RERE: variants seen among roughly 807,000 people sequenced by gnomAD.
RERE encodes arginine-glutamic acid dipeptide repeats protein.
A neutral mutation model predicts 146.1 loss-of-function variants in RERE; 40 were observed. The ratio of observed to expected loss-of-function variants is 0.27; its 90% confidence interval spans 0.21 to 0.36. The LOEUF is 0.36. RERE is among the 10% of genes least tolerant of loss of function. The pLI, the probability that RERE is intolerant of heterozygous loss-of-function variation, is 1.00. For synonymous variants in RERE, 1,003 were observed against 866.0 expected (o/e 1.16, Z -2.78); for missense variants, 1,933 against 2,138.7 (o/e 0.90, Z 1.90).
At chr1:8,445,348 G>A (rs1644303596) in intron 11 of RERE, among the ~76,000 whole-genome samples, 2 of 152,172 alleles carry the variant, frequency 1.3e-5, no homozygotes, top group South Asian at 4.1e-4. Flanking sequence ...TTTCTTCACT[G>A]GAATTCCAAA....
At chr1:8,456,444 A>G (rs114430069) in intron 11 of RERE, among the ~76,000 whole-genome samples, 1,812 of 152,352 alleles carry the variant, frequency 0.012, 34 homozygotes, top group African/African-American at 0.041. Flanking sequence ...TAAACCAGTT[A>G]CAAAACAAAA....
At position 8,379,942 on chromosome 1, in the gene RERE, C is replaced by T. The variant is rs184018369; in HGVS notation, c.1285-13968G>A. ...CAGCACGTATGCCACAAACTCACCA[C>T]AGCACACCTTAGCCTGCATCAAATC... On this transcript the variant is annotated intron_variant, in intron 12 of 22. Coordinates refer to ENST00000400908, the MANE Select transcript of RERE (RefSeq NM_001042681.2). Among the ~76,000 whole-genome samples, 109 of 152,336 alleles carry T rather than the reference C, an allele frequency of 7.2e-4. 1 individual carries two copies. Among genetic ancestry groups the T allele is most frequent in the African/African-American group, 8.2e-4 (34 of 41,568 alleles).
chr1:8,434,025 A>G (rs924025089), intron 11 of RERE, among the ~76,000 whole-genome samples: 14 of 152,174 alleles, frequency 9.2e-5, no homozygotes, highest in Non-Finnish European at 1.5e-5. Flanking sequence ...GGGAAGGTAG[A>G]TCTAATATAA....
At chr1:8,531,063 ATCT>A (rs1645644907) in intron 7 of RERE, among the ~76,000 whole-genome samples, 2 of 141,824 alleles carry the variant, frequency 1.4e-5, no homozygotes, top group South Asian at 2.2e-4. Context: ...CTATCTATCT[ATCT>A]ATCTAACTTT....
At chr1:8,684,344 GA>G (rs1557479836) in intron 1 of RERE, among the ~76,000 whole-genome samples, 1 of 151,970 alleles carries the variant, frequency 6.6e-6, no homozygotes, top group African/African-American at 2.4e-5. Context: ...AATTTTGTTA[GA>G]AAAGCTAGTA....
rs180784067 is a variant in RERE at position 8,356,687 on chromosome 1, G to A, written c.4340-441C>T. On this transcript the variant is annotated intron_variant, in intron 20 of 22. Transcript: ENST00000400908. This position sits in a 1 kb window ranked among gnomAD's most constrained non-coding sequence, Gnocchi z 5.2. ...TCTTCACTCGCAGAACCTAAAGGAGGCCAGCAGAGTGGGTGGCGCAGAATG... is the reference window on the plus strand; with the variant it reads ...TCTTCACTCGCAGAACCTAAAGGAGACCAGCAGAGTGGGTGGCGCAGAATG... Among the ~76,000 whole-genome samples, 1 of 152,294 alleles carries A rather than the reference G, an allele frequency of 6.6e-6. No individual in the cohort carries two copies.
intron 7 of RERE, among the ~76,000 whole-genome samples, chr1:8,521,973 T>C (rs905185365): frequency 1.3e-5 from 2 of 152,232 alleles, no homozygotes; most frequent in Admixed American, 6.5e-5. Context: ...TTGATAGAAA[T>C]AATCTCTAAT....
intron 10 of RERE, among the ~76,000 whole-genome samples, chr1:8,470,813 C>CTT (rs71580028): frequency 0.34 from 25,113 of 74,416 alleles, 7,867 homozygotes; most frequent in African/African-American, 0.52. Flanking sequence ...AAAGAAATAC[C>CTT]TTTTTTTTTT....
At chr1:8,629,283 A>C (rs1647008596) in intron 2 of RERE, among the ~76,000 whole-genome samples, 1 of 152,234 alleles carries the variant, frequency 6.6e-6, no homozygotes. Context: ...GGAATGGATC[A>C]CAGGATTAAG....
chr1:8,639,889 T>C (rs941874047), intron 2 of RERE, among the ~76,000 whole-genome samples: 2 of 152,196 alleles, frequency 1.3e-5, no homozygotes, highest in South Asian at 4.1e-4. Flanking sequence ...AAGTAAAGTC[T>C]AAAAACTAAA....
intron 2 of RERE, among the ~76,000 whole-genome samples, chr1:8,628,573 T>C (rs1197927187): frequency 5.3e-5 from 8 of 152,336 alleles, no homozygotes; most frequent in East Asian, 1.9e-4. Flanking sequence ...AATTCTACTT[T>C]ATATTACTCT....
intron 2 of RERE, among the ~76,000 whole-genome samples, chr1:8,631,304 G>A (rs981783166): frequency 6.6e-6 from 1 of 152,204 alleles, no homozygotes; most frequent in Non-Finnish European, 1.5e-5. Flanking sequence ...GGAGGCCGAG[G>A]CAGAGGACTG....
At chr1:8,531,057 CT>C (rs921909040) in intron 7 of RERE, among the ~76,000 whole-genome samples, 1 of 150,544 alleles carries the variant, frequency 6.6e-6, no homozygotes, top group Non-Finnish European at 1.5e-5. Context: ...ATCTATCTAT[CT>C]ATCTATCTAT....
chr1:8,601,453 G>A (rs1213867914), intron 4 of RERE, among the ~76,000 whole-genome samples: 2 of 152,052 alleles, frequency 1.3e-5, no homozygotes, highest in Non-Finnish European at 2.9e-5. Context: ...GGGAGTGGGG[G>A]GTACAGACCA....
At chr1:8,641,647 C>G (rs540333298) in intron 2 of RERE, among the ~76,000 whole-genome samples, 6 of 152,284 alleles carry the variant, frequency 3.9e-5, no homozygotes, top group African/African-American at 9.6e-5. Context: ...TCAAGTACCT[C>G]CAGGTTCTGT....
intron 1 of RERE, among the ~76,000 whole-genome samples, chr1:8,780,833 T>C (rs1363116545): frequency 6.6e-6 from 1 of 152,080 alleles, no homozygotes; most frequent in Non-Finnish European, 1.5e-5. Context: ...CAACTGAAAA[T>C]CTCAAAGAAT....
intron 4 of RERE, among the ~76,000 whole-genome samples, chr1:8,612,791 G>T (rs1466243404): frequency 6.6e-6 from 1 of 152,158 alleles, no homozygotes; most frequent in Non-Finnish European, 1.5e-5. Context: ...ATTGCTAAAG[G>T]CTGAAGCTTT....
intron 16 of RERE, 115 bp downstream of exon 16, chr1:8,362,568 G>C (rs753168950): frequency 9.7e-6 from 13 of 1,345,472 alleles, no homozygotes; most frequent in Non-Finnish European, 1.1e-5. Context: ...GTCCAGACAG[G>C]CTCCATGAAT....
Position 8,359,811 on chromosome 1 carries a change from C to T in RERE, c.3571G>A (p.Glu1191Lys), listed in dbSNP as rs1641482704. ...TCCCGCTCTCGCTCCCGCTCCCGCT[C>T]CTTCTCCTTCTCCTTCTCCCGCTCT... ...EREREKEKEK[E>K]RERERERERE... The change falls in exon 19 of 23, where the codon GAG (glutamate) becomes AAG (lysine). Residue 1191 changes from glutamate to lysine, a missense_variant. This residue lies in a region of RERE where 1,255 missense variants were observed against 1,153.8 expected (regional missense o/e 1.09). Coordinates refer to ENST00000400908, the MANE Select transcript of RERE (RefSeq NM_001042681.2). The T allele has an allele frequency of 6.3e-7, 1 of 1,593,268 alleles. No individual in the cohort carries two copies. Among genetic ancestry groups the T allele is most frequent in the Non-Finnish European group, 8.5e-7 (1 of 1,170,436 alleles).
Sources: allele counts gnomAD v4.1 joint callset (sites outside exome capture counted in the v4.1 genomes callset), GRCh38; gene constraint gnomAD v4.1.1; regional missense constraint gnomAD v4.1.1; non-coding constraint Gnocchi (gnomAD v3.1); transcripts MANE v1.5; gene names NCBI Gene and HGNC (gene_info 2026-07-23, HGNC 2026-07-21).